CNTN3: variants seen among roughly 807,000 people sequenced by gnomAD.
CNTN3 encodes the protein contactin 3, also known as contactin-3.
In CNTN3, 60 loss-of-function variants were observed where a neutral mutation model predicts 119.1. The observed-to-expected ratio is 0.50, with a 90% CI of 0.41 to 0.62. CNTN3 has a LOEUF of 0.62. Ranked by LOEUF, CNTN3 falls within the 20% of genes least tolerant of loss-of-function variation. CNTN3 has a pLI of 0.00. For synonymous variants in CNTN3, 450 were observed against 438.7 expected (o/e 1.03, Z -0.32); for missense variants, 1,101 against 1,242.4 (o/e 0.89, Z 1.71).
intron 13 of CNTN3, among the ~76,000 whole-genome samples, chr3:74,312,455 C>CAAA (rs745514119): frequency 0.091 from 2,528 of 27,762 alleles, 445 homozygotes; most frequent in African/African-American, 0.12. Context: ...GACTCCATCT[C>CAAA]AAAAAAAAAA....
intron 1 of CNTN3, among the ~76,000 whole-genome samples, chr3:74,578,019 C>T (rs1371903781): frequency 6.6e-6 from 1 of 151,972 alleles, no homozygotes; most frequent in East Asian, 1.9e-4. Flanking sequence ...TTCTAATAAA[C>T]CCCTGCCAAT....
chr3:74,399,950 T>TTAAAA (rs1705152417), intron 5 of CNTN3, among the ~76,000 whole-genome samples: 1 of 152,200 alleles, frequency 6.6e-6, no homozygotes, highest in African/African-American at 2.4e-5. Flanking sequence ...AACCATGGTG[T>TTAAAA]CTTACTGATG....
At chr3:74,458,184 A>T (rs1702303309) in intron 4 of CNTN3, among the ~76,000 whole-genome samples, 2 of 152,184 alleles carry the variant, frequency 1.3e-5, no homozygotes, top group Middle Eastern at 3.4e-3. Flanking sequence ...CTAGGAACAC[A>T]GCTCTCTGCT....
In CNTN3 at chr3:74,411,307, A is replaced by C. The variant is rs1225514235; in HGVS notation, c.454+13538T>G. On this transcript the variant is annotated intron_variant, in intron 5 of 22. Transcript: ENST00000263665. ...CTTGAGTATTTTCACAAACCTTTAG[A>C]GCACTCGGCAGAGGATATTTTGAAA... Among the ~76,000 whole-genome samples, 3 of 152,184 alleles carry C rather than the reference A, an allele frequency of 2.0e-5. No individual in the cohort carries two copies. The East Asian group carries it at 5.8e-4, about 29-fold the overall frequency.
intron 2 of CNTN3, among the ~76,000 whole-genome samples, chr3:74,507,772 T>C (rs1575793390): frequency 1.3e-5 from 2 of 151,736 alleles, no homozygotes; most frequent in African/African-American, 2.4e-5. Flanking sequence ...GCTGGGATTA[T>C]AGGTGCCAGC....
intron 5 of CNTN3, among the ~76,000 whole-genome samples, chr3:74,379,189 T>C (rs937610750): frequency 6.6e-6 from 1 of 152,154 alleles, no homozygotes; most frequent in East Asian, 1.9e-4. Flanking sequence ...AGAGTCTTGG[T>C]CTGTTGCCCA....
intron 11 of CNTN3, among the ~76,000 whole-genome samples, chr3:74,344,253 AAC>A (rs1703620857): frequency 6.6e-6 from 1 of 152,180 alleles, no homozygotes; most frequent in African/African-American, 2.4e-5. Context: ...ATCACAGATC[AAC>A]AGTGGACCAA....
At chr3:74,314,664 A>G (rs1379569115) in intron 13 of CNTN3, among the ~76,000 whole-genome samples, 1 of 152,204 alleles carries the variant, frequency 6.6e-6, no homozygotes, top group Admixed American at 6.5e-5. Context: ...ATACAGATAG[A>G]ACTTCAAGGA....
At chr3:74,364,670 T>A in intron 9 of CNTN3, 74 bp from the exon 10 acceptor site, 2 of 1,290,320 alleles carry the variant, frequency 1.5e-6, no homozygotes, top group Non-Finnish European at 2.2e-6. Context: ...GACTATCATT[T>A]CACTCACACA....
At chr3:74,313,922 A>G (rs1251287294) in intron 13 of CNTN3, among the ~76,000 whole-genome samples, 1 of 152,186 alleles carries the variant, frequency 6.6e-6, no homozygotes, top group East Asian at 1.9e-4. Flanking sequence ...CCCATTTACT[A>G]CAACAGCTTT....
At chr3:74,568,313 TG>T (rs1704258200) in intron 1 of CNTN3, among the ~76,000 whole-genome samples, 1 of 152,182 alleles carries the variant, frequency 6.6e-6, no homozygotes, top group African/African-American at 2.4e-5. Context: ...TATATGTGTT[TG>T]GGGAAAACAT....
chr3:74,516,710 T>C lies in CNTN3; in HGVS notation c.55+4348A>G, dbSNP rs573236324. 4.6e-5 allele frequency among the ~76,000 whole-genome samples: 7 copies of C among 150,656 alleles called. No homozygotes were observed. In the South Asian group the frequency reaches 1.5e-3, roughly 31 times the overall value. Reference sequence around the variant, plus strand: ...GGGGCCTGCCAGGCCTTCCCAAGCATAGAAGTAAAGAAAAATCTTGAGTTC... The same window carrying C: ...GGGGCCTGCCAGGCCTTCCCAAGCACAGAAGTAAAGAAAAATCTTGAGTTC... On this transcript the variant is annotated intron_variant, in intron 2 of 22. Transcript: ENST00000263665.
chr3:74,532,401 G>A (rs1703705905), intron 1 of CNTN3, among the ~76,000 whole-genome samples: 1 of 151,908 alleles, frequency 6.6e-6, no homozygotes, highest in South Asian at 2.1e-4. Context: ...CAAACCTTAT[G>A]TATACTTTAT....
In CNTN3 at chr3:74,499,730, G is replaced by A; in HGVS notation, c.111C>T (p.Phe37=). The A allele has an allele frequency of 1.2e-6, 2 of 1,611,462 alleles. No homozygotes were observed. Among genetic ancestry groups the A allele is most frequent in the Non-Finnish European group, 1.7e-6 (2 of 1,178,374 alleles). Residue 37 remains phenylalanine, a synonymous_variant, in exon 3 of 23, where the codon TTC becomes TTT. Transcript: ENST00000263665. The stretch of plus-strand genomic sequence containing the variant: ...TTTTTTTATCTTCTGAACCAACAGG[G>A]AAAATGCTGTTGCTGGGTTCTTTGA... ...VFIKEPSNSI[F]PVGSEDKKIT...
chr3:74,415,820 A>C (rs779254532), intron 5 of CNTN3, among the ~76,000 whole-genome samples: 1 of 152,184 alleles, frequency 6.6e-6, no homozygotes, highest in Non-Finnish European at 1.5e-5. Flanking sequence ...TTGGCTGCCT[A>C]ATCTACATGA....
intron 19 of CNTN3, among the ~76,000 whole-genome samples, chr3:74,285,976 G>T (rs1022704675): frequency 1.3e-5 from 2 of 151,402 alleles, no homozygotes; most frequent in Non-Finnish European, 2.9e-5. Context: ...AGTCAAGAAA[G>T]AAATAAAAAA....
At chr3:74,374,034 C>G (rs997864880) in intron 5 of CNTN3, among the ~76,000 whole-genome samples, 1 of 152,102 alleles carries the variant, frequency 6.6e-6, no homozygotes, top group Non-Finnish European at 1.5e-5. Flanking sequence ...CACCTCCCTG[C>G]GCTGCTCCTA....
At chr3:74,308,293 T>A (rs1389297561) in intron 13 of CNTN3, among the ~76,000 whole-genome samples, 1 of 152,226 alleles carries the variant, frequency 6.6e-6, no homozygotes, top group Admixed American at 6.5e-5. Flanking sequence ...GTAAACAGTT[T>A]TAATTTTTCT....
In CNTN3 at chr3:74,356,955, G is replaced by A. The variant is rs147605698; in HGVS notation, c.1364+4935C>T. On this transcript the variant is annotated intron_variant, in intron 11 of 22. Coordinates refer to ENST00000263665, the MANE Select transcript of CNTN3 (RefSeq NM_020872.3). ...TTTATTTATTTTGAGTAGGAGTCTC[G>A]CTCTGTCGCCCAGGCTGGAGTGCAG... Among the ~76,000 whole-genome samples the A allele has an allele frequency of 7.1e-3, 1,086 of 152,106 alleles. 14 individuals are homozygous for A. The highest frequency in any genetic ancestry group is 0.01 in the Non-Finnish European group (704 of 67,992).
Sources: gnomAD v4.1 joint callset for allele counts (sites outside exome capture counted in the v4.1 genomes callset) on GRCh38, gnomAD v4.1.1 for gene constraint, MANE v1.5 for transcripts, NCBI Gene and HGNC (gene_info 2026-07-23, HGNC 2026-07-21) for gene names.